Variants in CNTN5 observed in about 807,000 individuals in gnomAD.
CNTN5 encodes the protein contactin-5.
In CNTN5, 77 loss-of-function variants were observed where a neutral mutation model predicts 129.1. That is an observed-to-expected ratio of 0.60 (90% CI 0.50 to 0.72). The LOEUF is 0.72. Ranked by LOEUF, CNTN5 falls within the 30% of genes least tolerant of loss-of-function variation. CNTN5 has a pLI of 0.00. For missense variants in CNTN5, 1,478 were observed against 1,328.8 expected, an observed-to-expected ratio of 1.11 and a Z score of -1.75; for synonymous variants, 509 against 465.6, an observed-to-expected ratio of 1.09 and a Z score of -1.20.
intron 1 of CNTN5, among the ~76,000 whole-genome samples, chr11:99,068,022 CCTT>C (rs1464533704): frequency 6.6e-6 from 1 of 152,084 alleles, no homozygotes. Flanking sequence ...GCATTATTCT[CCTT>C]CTTGCCACCT....
At position 100,095,310 on chromosome 11, in the gene CNTN5, T is replaced by C. The variant is rs548235591; in HGVS notation, c.1580+21016T>C. Among the ~76,000 whole-genome samples, 130 of 152,242 alleles carry C rather than the reference T, an allele frequency of 8.5e-4. 1 individual carries two copies. In the Middle Eastern group the frequency reaches 0.014, roughly 16 times the overall value. On this transcript the variant is annotated intron_variant, in intron 13 of 24. Transcript: ENST00000524871. The stretch of plus-strand genomic sequence containing the variant: ...GTCATTGTTCTCTTTTTATTAAAAA[T>C]TACTGTTTTTGAGGGGAAGAAATTA...
intron 3 of CNTN5, among the ~76,000 whole-genome samples, chr11:99,562,096 GTCTC>G (rs971982000): frequency 6.6e-6 from 1 of 151,798 alleles, no homozygotes; most frequent in African/African-American, 2.4e-5. Flanking sequence ...TTGTAAGAGT[GTCTC>G]TCTCTCTCTG....
intron 13 of CNTN5, among the ~76,000 whole-genome samples, chr11:100,106,109 G>A (rs964723668): frequency 5.9e-5 from 9 of 152,130 alleles, no homozygotes; most frequent in Non-Finnish European, 1.0e-4. Context: ...TTCCCACAAA[G>A]GGCGATTCAG....
At chr11:99,206,566 T>A (rs1859494785) in intron 1 of CNTN5, among the ~76,000 whole-genome samples, 1 of 151,878 alleles carries the variant, frequency 6.6e-6, no homozygotes, top group South Asian at 2.1e-4. Context: ...ATTAGTGTGT[T>A]TGTGTATGTG....
chr11:100,049,602 A>G (rs1030781747), intron 9 of CNTN5, among the ~76,000 whole-genome samples: 1 of 152,130 alleles, frequency 6.6e-6, no homozygotes, highest in African/African-American at 2.4e-5. Context: ...AGCAACGGCA[A>G]CAAAAGCCAG....
chr11:100,342,148 CACAG>C (rs1431368749), intron 23 of CNTN5, among the ~76,000 whole-genome samples: 7 of 100,842 alleles, frequency 6.9e-5, no homozygotes, highest in Admixed American at 2.1e-4. Context: ...TAGGATAGAT[CACAG>C]ACACACACAC....
At chr11:99,883,946 A>C (rs1948834435) in intron 6 of CNTN5, among the ~76,000 whole-genome samples, 1 of 152,172 alleles carries the variant, frequency 6.6e-6, no homozygotes. Context: ...TTTCTGCATG[A>C]TATTGCTTCT....
intron 2 of CNTN5, among the ~76,000 whole-genome samples, chr11:99,513,480 G>T (rs7930474): frequency 0.066 from 10,009 of 152,160 alleles, 366 homozygotes; most frequent in African/African-American, 0.098. Context: ...CATAGCTAGA[G>T]AGTAGAAGTT....
At chr11:99,264,168 C>T (rs954181605) in intron 1 of CNTN5, among the ~76,000 whole-genome samples, 20 of 151,280 alleles carry the variant, frequency 1.3e-4, no homozygotes, top group African/African-American at 4.1e-4. Flanking sequence ...CAACTATGAA[C>T]AATGAAGAGC....
Position 99,044,502 on chromosome 11 carries a change from A to G in CNTN5, c.-210+23232A>G, listed in dbSNP as rs905388427. Reference sequence around the variant, plus strand: ...TCCAAGCTCCATTCACCTCTTCCACATCTTCTTTACCACTCCAACCTACAA... The same window carrying G: ...TCCAAGCTCCATTCACCTCTTCCACGTCTTCTTTACCACTCCAACCTACAA... On this transcript the variant is annotated intron_variant, in intron 1 of 24. Coordinates refer to ENST00000524871, the MANE Select transcript of CNTN5 (RefSeq NM_014361.4). Among the ~76,000 whole-genome samples the G allele has an allele frequency of 2.6e-5, 4 of 152,176 alleles. No individual in the cohort carries two copies. The South Asian group carries it at 8.3e-4, about 32-fold the overall frequency.
At chr11:100,210,019 A>C (rs1189894768) in intron 15 of CNTN5, among the ~76,000 whole-genome samples, 1 of 150,264 alleles carries the variant, frequency 6.7e-6, no homozygotes, top group Non-Finnish European at 1.5e-5. Flanking sequence ...CAGTAGGTTA[A>C]TCTAAGAAAA....
chr11:99,330,523 G>A (rs1008304979), intron 2 of CNTN5, among the ~76,000 whole-genome samples: 1 of 152,094 alleles, frequency 6.6e-6, no homozygotes, highest in African/African-American at 2.4e-5. Context: ...CCTAATTCTT[G>A]TGCTCTCCAG....
At chr11:99,445,332 A>G (rs1944018763) in intron 2 of CNTN5, among the ~76,000 whole-genome samples, 1 of 152,006 alleles carries the variant, frequency 6.6e-6, no homozygotes, top group African/African-American at 2.4e-5. Context: ...GTTTATAATA[A>G]ATACTACTTT....
intron 1 of CNTN5, among the ~76,000 whole-genome samples, chr11:99,191,132 T>C (rs995726203): frequency 2.6e-5 from 4 of 151,812 alleles, no homozygotes; most frequent in Non-Finnish European, 4.4e-5. Flanking sequence ...TGTTGATGTG[T>C]GTACCATATT....
chr11:99,758,975 A>G (rs540104564), intron 3 of CNTN5, among the ~76,000 whole-genome samples: 51 of 152,194 alleles, frequency 3.4e-4, no homozygotes, highest in African/African-American at 1.2e-3. Flanking sequence ...TTGCAATAGT[A>G]TTCCAAAAGA....
At chr11:100,137,011 A>G (rs959446217) in intron 13 of CNTN5, among the ~76,000 whole-genome samples, 1 of 151,788 alleles carries the variant, frequency 6.6e-6, no homozygotes, top group Non-Finnish European at 1.5e-5. Context: ...TTAAATATGT[A>G]TGTTTACATA....
intron 16 of CNTN5, among the ~76,000 whole-genome samples, chr11:100,243,637 A>G (rs1387736529): frequency 6.6e-6 from 1 of 152,160 alleles, no homozygotes; most frequent in East Asian, 1.9e-4. Flanking sequence ...TTTAAACTCA[A>G]TTACTTCTGT....
chr11:100,004,987 G>T (rs1940103258), intron 9 of CNTN5, among the ~76,000 whole-genome samples: 1 of 152,140 alleles, frequency 6.6e-6, no homozygotes, highest in African/African-American at 2.4e-5. Context: ...AGTTCACAAG[G>T]CAAGGCAGAG....
At chr11:99,250,127 T>C (rs1054277574) in intron 1 of CNTN5, among the ~76,000 whole-genome samples, 2 of 152,018 alleles carry the variant, frequency 1.3e-5, no homozygotes, top group African/African-American at 4.8e-5. Flanking sequence ...TGTGATAACA[T>C]AATTGAATAG....
Sources: allele counts gnomAD v4.1 joint callset (sites outside exome capture counted in the v4.1 genomes callset), GRCh38; gene constraint gnomAD v4.1.1; transcripts MANE v1.5; gene names NCBI Gene and HGNC (gene_info 2026-07-23, HGNC 2026-07-21).